The following DISC1 variants were observed in gnomAD, a reference collection of about 807,000 sequenced individuals.
The protein encoded by DISC1 is disrupted in schizophrenia 1 protein.
Under a neutral mutation model 84.5 loss-of-function variants are expected in DISC1, and 57 were observed. The ratio of observed to expected loss-of-function variants is 0.67; its 90% CI spans 0.55 to 0.84. The LOEUF (loss-of-function observed/expected upper bound fraction) is 0.84. Among genes scored for constraint, DISC1 ranks in the 40% least tolerant of loss-of-function variants. DISC1 has a pLI of 0.00. For missense variants in DISC1, 1,000 were observed against 1,057.8 expected, an observed-to-expected ratio of 0.95 and a Z score of 0.76; for synonymous variants, 411 against 415.2, an observed-to-expected ratio of 0.99 and a Z score of 0.12.
intron 10 of DISC1, among the ~76,000 whole-genome samples, chr1:231,980,900 A>C (rs1424944008): frequency 6.6e-6 from 1 of 152,212 alleles, no homozygotes; most frequent in East Asian, 1.9e-4. Context: ...AGAGAAGAAA[A>C]ATATGCAAAG....
chr1:231,705,957 A>G (rs2067043826), intron 3 of DISC1, among the ~76,000 whole-genome samples: 1 of 151,966 alleles, frequency 6.6e-6, no homozygotes, highest in South Asian at 2.1e-4. Flanking sequence ...CTTTCTTTCT[A>G]GTTTCACTCA....
chr1:231,979,125 A>G (rs1663236616), intron 10 of DISC1, among the ~76,000 whole-genome samples: 1 of 151,772 alleles, frequency 6.6e-6, no homozygotes, highest in Non-Finnish European at 1.5e-5. Context: ...CCTTATGAGA[A>G]TCTAATGCCT....
chr1:231,860,990 C>T (rs200290101), intron 9 of DISC1, among the ~76,000 whole-genome samples: 59 of 152,254 alleles, frequency 3.9e-4, no homozygotes, highest in Non-Finnish European at 5.3e-4. Context: ...AATTTTTTTC[C>T]GCAAGGGCAC....
intron 9 of DISC1, among the ~76,000 whole-genome samples, chr1:231,886,143 C>T (rs1442329672): frequency 5.3e-5 from 8 of 152,164 alleles, no homozygotes; most frequent in Non-Finnish European, 1.2e-4. Context: ...GGTGGTGCCC[C>T]CATGACCCAA....
intron 11 of DISC1, among the ~76,000 whole-genome samples, chr1:232,011,612 T>C (rs1047734206): frequency 6.6e-6 from 1 of 152,102 alleles, no homozygotes; most frequent in African/African-American, 2.4e-5. Context: ...AGGGACTCAT[T>C]ACAAGAGCAA....
intron 9 of DISC1, among the ~76,000 whole-genome samples, chr1:231,907,663 G>C (rs2088843936): frequency 1.3e-5 from 2 of 152,302 alleles, no homozygotes; most frequent in South Asian, 4.1e-4. Flanking sequence ...ATAGTAGCAT[G>C]ATTTATAATC....
chr1:231,762,485 C>T (rs1248516394), intron 4 of DISC1, among the ~76,000 whole-genome samples: 4 of 149,342 alleles, frequency 2.7e-5, no homozygotes, highest in Admixed American at 6.8e-5. Flanking sequence ...CAAGCACGTG[C>T]CACTGTGCCT....
At chr1:231,843,083 C>T (rs972047569) in intron 9 of DISC1, among the ~76,000 whole-genome samples, 2 of 151,974 alleles carry the variant, frequency 1.3e-5, no homozygotes, top group South Asian at 2.1e-4. Context: ...CAGACAACGG[C>T]AGTACAGTCA....
chr1:231,736,261 A>G (rs1000958777), intron 3 of DISC1, among the ~76,000 whole-genome samples: 2 of 152,020 alleles, frequency 1.3e-5, no homozygotes, highest in African/African-American at 4.8e-5. Context: ...GATAGGCAAG[A>G]CCCCTGTGTC....
At chr1:231,856,055 C>G (rs2084248885) in intron 9 of DISC1, among the ~76,000 whole-genome samples, 1 of 152,206 alleles carries the variant, frequency 6.6e-6, no homozygotes. Flanking sequence ...AAGGCTTCAG[C>G]AAACATAAAC....
Position 231,866,589 on chromosome 1 carries a change from C to T in DISC1, c.1981+48072C>T, listed in dbSNP as rs200227109. ...CAGCAACTTGCCTGAGGACAGCCTG[C>T]AGGACACAGCACTGTGATTTGAACC... On this transcript the variant is annotated intron_variant, in intron 9 of 12. Coordinates refer to ENST00000439617, the MANE Select transcript of DISC1 (RefSeq NM_018662.3). 1,365 of 1,392,656 alleles carry T rather than the reference C, an allele frequency of 9.8e-4. 8 individuals are homozygous for T. The highest frequency in any genetic ancestry group is 6.0e-4 in the Non-Finnish European group (588 of 977,566). The allele number at this position is 1,392,656 out of a possible 1,614,324, so 86.3% of individuals were successfully genotyped here.
chr1:231,941,444 C>A (rs1253342132), intron 9 of DISC1, among the ~76,000 whole-genome samples: 1 of 151,292 alleles, frequency 6.6e-6, no homozygotes, highest in Non-Finnish European at 1.5e-5. Context: ...TATGGAGAGC[C>A]CACCATGGGG....
At chr1:231,870,514 T>G (rs915853305) in intron 9 of DISC1, among the ~76,000 whole-genome samples, 4 of 152,196 alleles carry the variant, frequency 2.6e-5, no homozygotes, top group Non-Finnish European at 5.9e-5. Context: ...AGCTGTCTGT[T>G]GGTGTTATCC....
intron 11 of DISC1, among the ~76,000 whole-genome samples, chr1:232,025,597 C>CTTT (rs35161490): frequency 1.5e-5 from 2 of 132,500 alleles, no homozygotes; most frequent in African/African-American, 2.8e-5. Flanking sequence ...TCATCCTGCT[C>CTTT]TTTTTTTTTT....
rs569398144 is a variant in DISC1 at position 231,999,199 on chromosome 1, T to C, written c.2043-9586T>C. Among the ~76,000 whole-genome samples the C allele has an allele frequency of 3.9e-5, 6 of 152,312 alleles. No homozygotes were observed. The South Asian group carries it at 1.2e-3, about 32-fold the overall frequency. ...AAAAAAGGCATGGACCATTTCTCTC[T>C]GCTTCTTCCCACTAAATGCAATTCT... is the stretch of plus-strand genomic sequence containing the variant. On this transcript the variant is annotated intron_variant, in intron 10 of 12. Transcript: ENST00000439617.
At chr1:231,715,017 A>C (rs2068493443) in intron 3 of DISC1, among the ~76,000 whole-genome samples, 1 of 152,204 alleles carries the variant, frequency 6.6e-6, no homozygotes, top group South Asian at 2.1e-4. Flanking sequence ...AGACTTTTGA[A>C]TTAACAACAC....
At chr1:231,945,518 C>G (rs1310124311) in intron 9 of DISC1, among the ~76,000 whole-genome samples, 1 of 152,108 alleles carries the variant, frequency 6.6e-6, no homozygotes, top group Admixed American at 6.5e-5. Flanking sequence ...CAGGAGAGAT[C>G]TAAAATTGAC....
intron 1 of DISC1, among the ~76,000 whole-genome samples, chr1:231,682,664 C>T (rs1349570513): frequency 1.3e-5 from 2 of 152,158 alleles, no homozygotes; most frequent in African/African-American, 4.8e-5. Context: ...TTTAGATAAA[C>T]TTTCTATTTT....
chr1:231,634,413 T>A (rs938575944), intron 1 of DISC1, among the ~76,000 whole-genome samples: 10 of 152,316 alleles, frequency 6.6e-5, no homozygotes, highest in African/African-American at 2.4e-4. Flanking sequence ...TTGCAAGAGC[T>A]GTTTTGGGAT....
Sources: allele counts gnomAD v4.1 joint callset (sites outside exome capture counted in the v4.1 genomes callset), GRCh38; gene constraint gnomAD v4.1.1; transcripts MANE v1.5; gene names NCBI Gene and HGNC (gene_info 2026-07-23, HGNC 2026-07-21).